GALNT17: variants seen among roughly 807,000 people sequenced by gnomAD.
GALNT17 encodes the protein UDP-GalNAc:polypeptide N-acetylgalactosaminyltransferase-like 3.
A neutral mutation model predicts 63.7 loss-of-function variants in GALNT17; 29 were observed. The observed-to-expected ratio is 0.46, with a 90% CI of 0.34 to 0.62. GALNT17 has a LOEUF of 0.62. Ranked by LOEUF, GALNT17 falls within the 20% of genes least tolerant of loss-of-function variation. GALNT17 has a pLI of 0.01. For missense variants in GALNT17, 603 were observed against 799.6 expected (o/e 0.75, Z 2.97); for synonymous variants, 305 against 318.3 (o/e 0.96, Z 0.45).
Position 71,601,757 on chromosome 7 carries a change from C to T in GALNT17, c.1080+30355C>T, listed in dbSNP as rs111622589. 5.9e-3 allele frequency among the ~76,000 whole-genome samples: 891 copies of T among 151,916 alleles called. 7 individuals are homozygous for T. The highest frequency in any genetic ancestry group is 0.02 in the African/African-American group (824 of 41,422). On this transcript the variant is annotated intron_variant, in intron 6 of 10. Coordinates refer to ENST00000333538, the MANE Select transcript of GALNT17 (RefSeq NM_022479.3). ...CTAAGATCACACCACTGCACTCCAGCGTGGGCATCAGAGCAAGACCCTGTC... is the reference window on the plus strand; with the variant it reads ...CTAAGATCACACCACTGCACTCCAGTGTGGGCATCAGAGCAAGACCCTGTC...
intron 1 of GALNT17, among the ~76,000 whole-genome samples, chr7:71,234,838 A>G (rs1430508526): frequency 6.6e-6 from 1 of 152,204 alleles, no homozygotes; most frequent in Non-Finnish European, 1.5e-5. Context: ...CTGTGTTGCC[A>G]GGTGGCCTGG....
intron 2 of GALNT17, among the ~76,000 whole-genome samples, chr7:71,372,805 C>CTG (rs1792649479): frequency 6.6e-6 from 1 of 152,112 alleles, no homozygotes; most frequent in East Asian, 1.9e-4. Context: ...AGATGTGTAG[C>CTG]ATACAACGAT....
intron 1 of GALNT17, among the ~76,000 whole-genome samples, chr7:71,209,638 G>A (rs984983465): frequency 1.3e-5 from 2 of 152,154 alleles, no homozygotes; most frequent in Non-Finnish European, 2.9e-5. Flanking sequence ...TGGGACTGCA[G>A]GTGTGCATCA....
chr7:71,246,029 G>A (rs1242280088), intron 1 of GALNT17, among the ~76,000 whole-genome samples: 1 of 151,216 alleles, frequency 6.6e-6, no homozygotes, highest in Non-Finnish European at 1.5e-5. Context: ...TCTTCCTTCT[G>A]GGAATTTATG....
intron 1 of GALNT17, among the ~76,000 whole-genome samples, chr7:71,240,551 A>G (rs1789974296): frequency 6.6e-6 from 1 of 152,140 alleles, no homozygotes. Flanking sequence ...GTCTGCATTA[A>G]TTCTCTTAAG....
intron 1 of GALNT17, among the ~76,000 whole-genome samples, chr7:71,175,538 A>G (rs1404766362): frequency 6.6e-6 from 1 of 152,164 alleles, no homozygotes; most frequent in African/African-American, 2.4e-5. Context: ...TGGGAGGAAC[A>G]TGGAGGATGA....
At chr7:71,359,325 A>G (rs748427979) in intron 2 of GALNT17, among the ~76,000 whole-genome samples, 1 of 152,098 alleles carries the variant, frequency 6.6e-6, no homozygotes, top group Non-Finnish European at 1.5e-5. Flanking sequence ...GCGTGCAGAG[A>G]TCTCATGGTG....
At chr7:71,588,669 C>G (rs1396032205) in intron 6 of GALNT17, among the ~76,000 whole-genome samples, 2 of 152,176 alleles carry the variant, frequency 1.3e-5, no homozygotes, top group Non-Finnish European at 2.9e-5. Flanking sequence ...TCTCTTGGGC[C>G]TTCAGTTCTA....
intron 3 of GALNT17, among the ~76,000 whole-genome samples, chr7:71,406,504 A>C (rs929537631): frequency 1.3e-5 from 2 of 152,182 alleles, no homozygotes; most frequent in African/African-American, 4.8e-5. Context: ...GGGATTTGCT[A>C]TCTCCATTGG....
intron 6 of GALNT17, among the ~76,000 whole-genome samples, chr7:71,598,685 T>G (rs1789922895): frequency 6.6e-6 from 1 of 152,210 alleles, no homozygotes; most frequent in Non-Finnish European, 1.5e-5. Flanking sequence ...ATGCCTAGAC[T>G]TCAATCGGCA....
At chr7:71,419,921 A>C (rs1004235026) in intron 4 of GALNT17, among the ~76,000 whole-genome samples, 4 of 152,248 alleles carry the variant, frequency 2.6e-5, no homozygotes, top group Non-Finnish European at 4.4e-5. Context: ...TAGAAAGATG[A>C]GATGAGCCAA....
chr7:71,452,196 T>C (rs1022416057), intron 5 of GALNT17, among the ~76,000 whole-genome samples: 27 of 151,822 alleles, frequency 1.8e-4, no homozygotes, highest in African/African-American at 6.5e-4. Context: ...TGAGGTATGA[T>C]TTCACCACTG....
At chr7:71,484,892 G>C (rs970664807) in intron 5 of GALNT17, among the ~76,000 whole-genome samples, 1 of 142,684 alleles carries the variant, frequency 7.0e-6, no homozygotes, top group Non-Finnish European at 1.5e-5. Context: ...TCCACCTCCT[G>C]GGTTCAAGCA....
rs144817445 is a variant in GALNT17, at chr7:71,618,925, A to G, written c.1081-46486A>G. ...AAGAGTATTTCCTAGGTTGTCTTCC[A>G]TGATTTTTATTGTTTGAGGTCTTAT... is the stretch of plus-strand genomic sequence containing the variant. On this transcript the variant is annotated intron_variant, in intron 6 of 10. Coordinates refer to ENST00000333538, the MANE Select transcript of GALNT17 (RefSeq NM_022479.3). Among the ~76,000 whole-genome samples, 915 of 152,280 alleles carry G rather than the reference A, an allele frequency of 6.0e-3. 7 individuals are homozygous for G. The highest frequency in any genetic ancestry group is 0.018 in the African/African-American group (730 of 41,554).
intron 5 of GALNT17, among the ~76,000 whole-genome samples, chr7:71,560,193 C>CAAAAAA (rs57189106): frequency 3.2e-5 from 3 of 94,458 alleles, no homozygotes; most frequent in Non-Finnish European, 5.9e-5. Flanking sequence ...GACTCCATCT[C>CAAAAAA]AAAAAAAAAA....
At chr7:71,533,237 G>T (rs1486564635) in intron 5 of GALNT17, among the ~76,000 whole-genome samples, 1 of 152,116 alleles carries the variant, frequency 6.6e-6, no homozygotes, top group Admixed American at 6.6e-5. Flanking sequence ...TTCCCTGCCA[G>T]AATCCATAAA....
intron 2 of GALNT17, among the ~76,000 whole-genome samples, chr7:71,369,811 C>CAAAAAAAA (rs763387719): frequency 8.3e-5 from 6 of 72,152 alleles, no homozygotes; most frequent in Non-Finnish European, 1.8e-4. Context: ...GGCTTTTTGT[C>CAAAAAAAA]AAAAAAAAAA....
intron 1 of GALNT17, among the ~76,000 whole-genome samples, chr7:71,329,460 C>T (rs766619773): frequency 9.2e-5 from 14 of 152,140 alleles, no homozygotes; most frequent in South Asian, 2.1e-4. Flanking sequence ...TACAGTGGAG[C>T]GTGTCTGTAT....
chr7:71,490,193 G>A (rs1332223774), intron 5 of GALNT17, among the ~76,000 whole-genome samples: 1 of 151,340 alleles, frequency 6.6e-6, no homozygotes, highest in African/African-American at 2.4e-5. Context: ...GGAGGCAGAG[G>A]TTGCAGTGAG....
Sources: gnomAD v4.1 joint callset for allele counts (sites outside exome capture counted in the v4.1 genomes callset) on GRCh38, gnomAD v4.1.1 for gene constraint, MANE v1.5 for transcripts, NCBI Gene and HGNC (gene_info 2026-07-23, HGNC 2026-07-21) for gene names.